The following PPP1R9A variants were observed in gnomAD, a reference collection of about 807,000 sequenced individuals.
The protein encoded by PPP1R9A is protein phosphatase 1 regulatory subunit 9A.
Under a neutral mutation model 141.9 loss-of-function variants are expected in PPP1R9A, and 59 were observed. The ratio of observed to expected loss-of-function variants is 0.42; its 90% CI spans 0.34 to 0.52. The LOEUF (loss-of-function observed/expected upper bound fraction) is 0.52. Among genes scored for constraint, PPP1R9A ranks in the 20% least tolerant of loss-of-function variants. PPP1R9A has a pLI of 0.10. For synonymous variants in PPP1R9A, 500 were observed against 569.7 expected (o/e 0.88, Z 1.74); for missense variants, 1,444 against 1,611.9 (o/e 0.90, Z 1.78).
chr7:95,173,763 A>C (rs987104680), intron 5 of PPP1R9A, among the ~76,000 whole-genome samples: 1 of 152,054 alleles, frequency 6.6e-6, no homozygotes, highest in African/African-American at 2.4e-5. Flanking sequence ...ATTAAACATG[A>C]AATGCTGCTT....
At chr7:95,196,643 A>G (rs1446063191) in intron 5 of PPP1R9A, among the ~76,000 whole-genome samples, 1 of 152,186 alleles carries the variant, frequency 6.6e-6, no homozygotes, top group African/African-American at 2.4e-5. Context: ...CAAATAACTG[A>G]TACTTACAGC....
intron 4 of PPP1R9A, among the ~76,000 whole-genome samples, chr7:95,138,406 C>G (rs1826065629): frequency 6.6e-6 from 1 of 152,036 alleles, no homozygotes; most frequent in Admixed American, 6.6e-5. Context: ...GGACATAGGT[C>G]TAATATTATA....
At chr7:94,990,943 T>A (rs536164856) in intron 2 of PPP1R9A, among the ~76,000 whole-genome samples, 1 of 152,270 alleles carries the variant, frequency 6.6e-6, no homozygotes, top group African/African-American at 2.4e-5. Context: ...TTTCTTTATC[T>A]CTGTTGTCGG....
Position 95,018,439 on chromosome 7 carries a change from G to A in PPP1R9A, c.1396-92820G>A, listed in dbSNP as rs76160959. The A allele has an allele frequency of 0.011, 1,695 of 155,602 alleles. 117 individuals carry two copies. In the East Asian group the frequency reaches 0.19, roughly 18 times the overall value. 9.6% of individuals were successfully genotyped at this position (155,602 alleles called of 1,614,324 possible). A position where few individuals can be genotyped will look rare whatever the true frequency, so the allele number is the denominator to read the frequency against. The stretch of plus-strand genomic sequence containing the variant: ...AGATGACATCACTAAGGCTCATGTC[G>A]TTTGGCCTGGTGACAACACAATCTT... On this transcript the variant is annotated intron_variant, in intron 2 of 19. Coordinates refer to ENST00000433360, the MANE Select transcript of PPP1R9A (RefSeq NM_001166160.2).
chr7:95,019,369 C>T (rs575557519), intron 2 of PPP1R9A, among the ~76,000 whole-genome samples: 65 of 152,214 alleles, frequency 4.3e-4, no homozygotes, highest in Non-Finnish European at 7.5e-4. Context: ...GGCGATAGAG[C>T]GAGACTCAGT....
chr7:94,971,765 G>C (rs1372547076), intron 2 of PPP1R9A, among the ~76,000 whole-genome samples: 1 of 152,202 alleles, frequency 6.6e-6, no homozygotes, highest in Admixed American at 6.5e-5. Flanking sequence ...TAGTAATCTA[G>C]TTGAAGTATT....
intron 4 of PPP1R9A, among the ~76,000 whole-genome samples, chr7:95,127,877 C>T (rs937970654): frequency 2.0e-5 from 3 of 152,148 alleles, no homozygotes; most frequent in African/African-American, 7.2e-5. Context: ...GTATAGTATT[C>T]TATGGTGCAT....
At chr7:95,218,918 A>T (rs1201994105) in intron 7 of PPP1R9A, among the ~76,000 whole-genome samples, 1 of 152,196 alleles carries the variant, frequency 6.6e-6, no homozygotes, top group East Asian at 1.9e-4. Context: ...TTGACTCTTT[A>T]TCCAATTTGC....
chr7:95,186,072 G>C lies in PPP1R9A; in HGVS notation c.1755-12277G>C, dbSNP rs1563378973. On this transcript the variant is annotated intron_variant, in intron 5 of 19. Transcript: ENST00000433360. ...TCTAGTTCTGTGAAGAATGATGATA[G>C]TGTTTTGATAGGAATTGCATTGAAT... Among the ~76,000 whole-genome samples, 3 of 151,966 alleles carry C rather than the reference G, an allele frequency of 2.0e-5. No individual in the cohort carries two copies. In the South Asian group the frequency reaches 6.2e-4, roughly 32 times the overall value.
At chr7:95,062,069 C>G (rs890009404) in intron 2 of PPP1R9A, among the ~76,000 whole-genome samples, 24 of 152,198 alleles carry the variant, frequency 1.6e-4, no homozygotes, top group African/African-American at 5.5e-4. Context: ...TGTTTCTGTT[C>G]TTATTTTCCT....
chr7:95,094,152 T>C (rs1201684603), intron 2 of PPP1R9A, among the ~76,000 whole-genome samples: 4 of 152,136 alleles, frequency 2.6e-5, no homozygotes, highest in Admixed American at 1.3e-4. Context: ...TTTTGGATGA[T>C]AGGATGAGTG....
intron 6 of PPP1R9A, among the ~76,000 whole-genome samples, chr7:95,200,440 TA>T (rs35010828): frequency 2.9e-4 from 42 of 147,080 alleles, no homozygotes; most frequent in African/African-American, 6.0e-4. Context: ...TCCTGCTAAT[TA>T]AAAAAAAAAA....
chr7:94,987,389 T>C (rs557600219), intron 2 of PPP1R9A, among the ~76,000 whole-genome samples: 110 of 152,310 alleles, frequency 7.2e-4, no homozygotes, highest in Non-Finnish European at 1.3e-3. Context: ...CTTAACTATA[T>C]AGATAAAGTA....
intron 2 of PPP1R9A, among the ~76,000 whole-genome samples, chr7:94,971,187 G>C (rs1475795123): frequency 6.6e-6 from 1 of 152,150 alleles, no homozygotes; most frequent in African/African-American, 2.4e-5. Context: ...ATCACTTAGT[G>C]GTGGACCACT....
chr7:95,166,148 CAAAAAAAAA>C (rs201112181), intron 5 of PPP1R9A, among the ~76,000 whole-genome samples: 3 of 104,438 alleles, frequency 2.9e-5, no homozygotes, highest in African/African-American at 7.2e-5. Context: ...AACTCCATTT[CAAAAAAAAA>C]AAAAAAAAAG....
At chr7:95,283,936 A>T in intron 16 of PPP1R9A, 82 bp from the exon 17 acceptor site, 1 of 1,209,928 alleles carries the variant, frequency 8.3e-7, no homozygotes, top group Non-Finnish European at 1.1e-6. Context: ...GTTACTTCAA[A>T]CTATATTCAG....
intron 2 of PPP1R9A, among the ~76,000 whole-genome samples, chr7:95,053,350 G>A (rs1811070386): frequency 6.6e-6 from 1 of 152,194 alleles, no homozygotes; most frequent in Admixed American, 6.5e-5. Flanking sequence ...ACAGGGAATA[G>A]AGTGAATGTG....
intron 2 of PPP1R9A, chr7:95,036,494 A>T (rs1808442446): frequency 6.6e-6 from 1 of 152,132 alleles, no homozygotes; most frequent in African/African-American, 2.4e-5. Context: ...GTTATAGCTA[A>T]TATGGTTGCT....
At chr7:95,002,599 A>G (rs1484287503) in intron 2 of PPP1R9A, among the ~76,000 whole-genome samples, 1 of 152,138 alleles carries the variant, frequency 6.6e-6, no homozygotes, top group African/African-American at 2.4e-5. Flanking sequence ...AATATACAGA[A>G]TTGAAAAATA....
Sources: allele counts gnomAD v4.1 joint callset (sites outside exome capture counted in the v4.1 genomes callset), GRCh38; gene constraint gnomAD v4.1.1; transcripts MANE v1.5; gene names NCBI Gene and HGNC (gene_info 2026-07-23, HGNC 2026-07-21).